Variants in LTBP1 observed in about 807,000 individuals in gnomAD.
LTBP1 encodes the protein latent-transforming growth factor beta-binding protein 1.
A neutral mutation model predicts 207.6 loss-of-function variants in LTBP1; 129 were observed. That is an observed-to-expected ratio of 0.62 (90% CI 0.54 to 0.72). The LOEUF (loss-of-function observed/expected upper bound fraction) is 0.72, where lower values mean the gene tolerates loss of function less well. LTBP1 is among the 30% of genes least tolerant of loss of function. The pLI is 0.00. For synonymous variants in LTBP1, 963 were observed against 833.7 expected, an observed-to-expected ratio of 1.16 and a Z score of -2.67; for missense variants, 2,281 against 2,217.2, an observed-to-expected ratio of 1.03 and a Z score of -0.58.
At chr2:33,118,194 A>AC (rs201368760) in intron 4 of LTBP1, among the ~76,000 whole-genome samples, 6,518 of 150,674 alleles carry the variant, frequency 0.043, 198 homozygotes, top group Middle Eastern at 0.072. Flanking sequence ...TGTGTGCAAA[A>AC]AAAAAAAAAC....
chr2:33,269,651 A>G (rs1000495145), intron 15 of LTBP1, among the ~76,000 whole-genome samples: 5 of 152,182 alleles, frequency 3.3e-5, no homozygotes, highest in Admixed American at 2.0e-4. Context: ...GTTTATATTG[A>G]CACAGTTTGC....
intron 3 of LTBP1, among the ~76,000 whole-genome samples, chr2:33,053,362 C>G (rs940513697): frequency 6.6e-6 from 1 of 152,186 alleles, no homozygotes; most frequent in African/African-American, 2.4e-5. Context: ...CATCATTATT[C>G]CCCAAAGTCC....
intron 5 of LTBP1, among the ~76,000 whole-genome samples, chr2:33,148,756 CTGTT>C (rs1224296804): frequency 6.6e-6 from 1 of 152,220 alleles, no homozygotes; most frequent in East Asian, 1.9e-4. Context: ...GGTGGAAAAA[CTGTT>C]TGTCTGTCAA....
intron 7 of LTBP1, among the ~76,000 whole-genome samples, chr2:33,210,050 T>C (rs1289918678): frequency 6.6e-6 from 1 of 152,240 alleles, no homozygotes; most frequent in Non-Finnish European, 1.5e-5. Context: ...ATTTACCCAG[T>C]TGTGGGTCAT....
chr2:32,995,596 A>G (rs1416452278), intron 2 of LTBP1, among the ~76,000 whole-genome samples: 1 of 152,156 alleles, frequency 6.6e-6, no homozygotes, highest in Admixed American at 6.5e-5. Flanking sequence ...CCTAGCTAAC[A>G]TGGTGAAACC....
chr2:33,398,826 T>C lies in LTBP1; in HGVS notation c.*281T>C. On this transcript the variant is annotated 3_prime_UTR_variant, in exon 34 of 34. Transcript: ENST00000404816. ...CAGTGCTGTTATTTTAAACAGAAGGTTGTATTATTATGTTGTTTTGTTTTT... is the reference window on the plus strand; with the variant it reads ...CAGTGCTGTTATTTTAAACAGAAGGCTGTATTATTATGTTGTTTTGTTTTT... 4.2e-6 allele frequency: 1 copy of C among 237,362 alleles called. No individual in the cohort carries two copies. The highest frequency in any genetic ancestry group is 1.8e-4 in the South Asian group (1 of 5,600). The allele number at this position is 237,362 out of a possible 1,614,324, so 14.7% of individuals were successfully genotyped here.
Position 33,265,429 on chromosome 2 carries a change from C to T in LTBP1, c.2617+2037C>T, listed in dbSNP as rs2093148685. Among the ~76,000 whole-genome samples the T allele has an allele frequency of 4.6e-5, 7 of 152,172 alleles. No homozygotes were observed. In the South Asian group the frequency reaches 1.2e-3, roughly 27 times the overall value. The stretch of plus-strand genomic sequence containing the variant: ...TACCTATCACAGACAATGTATAATA[C>T]AGAATAAATAGAAATAACTGTACAT... On this transcript the variant is annotated intron_variant, in intron 15 of 33. Transcript: ENST00000404816.
chr2:32,971,003 TG>T (rs1421663280), intron 2 of LTBP1, among the ~76,000 whole-genome samples: 29 of 6,012 alleles, frequency 4.8e-3, no homozygotes, highest in Non-Finnish European at 0.016. Flanking sequence ...CCTAGGTATT[TG>T]TGTGTGTGTG....
intron 3 of LTBP1, among the ~76,000 whole-genome samples, chr2:33,064,402 G>T (rs2077407362): frequency 6.6e-6 from 1 of 152,162 alleles, no homozygotes; most frequent in African/African-American, 2.4e-5. Context: ...ACAGAAGACA[G>T]GAGAATCCTG....
At chr2:33,078,462 C>T (rs567013534) in intron 3 of LTBP1, among the ~76,000 whole-genome samples, 98 of 152,280 alleles carry the variant, frequency 6.4e-4, no homozygotes, top group Non-Finnish European at 1.2e-3. Context: ...ACCAGAACCA[C>T]TGATATTAAA....
intron 3 of LTBP1, among the ~76,000 whole-genome samples, chr2:33,049,081 T>C (rs1391889404): frequency 1.3e-5 from 2 of 152,222 alleles, no homozygotes; most frequent in African/African-American, 4.8e-5. Flanking sequence ...GGTGATCTGG[T>C]GCTACACAGA....
At chr2:33,249,365 A>ACACACC (rs2092615378) in intron 10 of LTBP1, among the ~76,000 whole-genome samples, 1 of 148,758 alleles carries the variant, frequency 6.7e-6, no homozygotes. Context: ...ACACACACAC[A>ACACACC]CATTTACAAC....
intron 14 of LTBP1, 69 bp from the exon 15 acceptor site, chr2:33,263,225 T>G (rs554783498): frequency 1.1e-6 from 1 of 911,486 alleles, no homozygotes; most frequent in South Asian, 1.4e-5. Context: ...TATGCTTGCA[T>G]TTTGAAATGG....
chr2:33,261,815 A>G lies in LTBP1; in HGVS notation c.2419-907A>G, dbSNP rs185841850. Among the ~76,000 whole-genome samples, 5 of 152,328 alleles carry G rather than the reference A, an allele frequency of 3.3e-5. 1 individual carries two copies. In the East Asian group the frequency reaches 9.6e-4, roughly 29 times the overall value. On this transcript the variant is annotated intron_variant, in intron 13 of 33. Coordinates refer to ENST00000404816, the MANE Select transcript of LTBP1 (RefSeq NM_206943.4). ...TTATGATGAGATATCCAGGCAGACT[A>G]TCTTAGAAAAAGCAGAAAATAGGTG...
intron 2 of LTBP1, among the ~76,000 whole-genome samples, chr2:32,982,092 G>A (rs535197962): frequency 2.0e-4 from 31 of 152,302 alleles, no homozygotes; most frequent in African/African-American, 7.2e-4. Flanking sequence ...GGGAAAGTTT[G>A]GAACTTCCTA....
intron 26 of LTBP1, among the ~76,000 whole-genome samples, chr2:33,356,424 AATCCC>A (rs2094861013): frequency 1.3e-5 from 2 of 152,226 alleles, no homozygotes; most frequent in South Asian, 4.1e-4. Flanking sequence ...TCACGCCTGT[AATCCC>A]AGCACTTTGG....
At chr2:32,991,100 CTTTG>C (rs1358497246) in intron 2 of LTBP1, among the ~76,000 whole-genome samples, 1 of 152,062 alleles carries the variant, frequency 6.6e-6, no homozygotes, top group Admixed American at 6.5e-5. Context: ...GCCGATTTTC[CTTTG>C]TTTGAGTTTG....
At chr2:33,372,836 T>A (rs2095086571) in intron 31 of LTBP1, among the ~76,000 whole-genome samples, 1 of 152,116 alleles carries the variant, frequency 6.6e-6, no homozygotes. Context: ...TGCACTCTAG[T>A]TTGGACAACA....
At chr2:33,369,633 G>A (rs2095043516) in intron 31 of LTBP1, among the ~76,000 whole-genome samples, 1 of 152,048 alleles carries the variant, frequency 6.6e-6, no homozygotes, top group Admixed American at 6.6e-5. Flanking sequence ...TCTCAGCTCA[G>A]CGCAACCTCC....
Sources: allele counts gnomAD v4.1 joint callset (sites outside exome capture counted in the v4.1 genomes callset), GRCh38; gene constraint gnomAD v4.1.1; transcripts MANE v1.5; gene names NCBI Gene and HGNC (gene_info 2026-07-23, HGNC 2026-07-21).